Variants in JAKMIP3 observed in about 807,000 individuals in gnomAD.
JAKMIP3 encodes the protein janus kinase and microtubule-interacting protein 3.
In JAKMIP3, 58 loss-of-function variants were observed where a neutral mutation model predicts 118.5. That is an observed-to-expected ratio of 0.49 (90% CI 0.40 to 0.61). The LOEUF is 0.61. Ranked by LOEUF, JAKMIP3 falls within the 20% of genes least tolerant of loss-of-function variation. JAKMIP3 has a pLI of 0.00. For synonymous variants in JAKMIP3, 486 were observed against 451.2 expected, an observed-to-expected ratio of 1.08 and a Z score of -0.98; for missense variants, 950 against 1,109.0, an observed-to-expected ratio of 0.86 and a Z score of 2.04.
chr10:132,093,077 A>G (rs2043305032), intron 1 of JAKMIP3, among the ~76,000 whole-genome samples: 1 of 152,206 alleles, frequency 6.6e-6, no homozygotes, highest in South Asian at 2.1e-4. Flanking sequence ...GAGGCTGCAG[A>G]ACAGCTAATA....
intron 23 of JAKMIP3, among the ~76,000 whole-genome samples, chr10:132,180,658 C>CGCGT (rs1565020008): frequency 2.4e-3 from 20 of 8,420 alleles, no homozygotes; most frequent in African/African-American, 5.7e-3. Flanking sequence ...TGTGCGTGTG[C>CGCGT]GTGTGTGCGT....
chr10:132,106,481 C>G (rs1380422278), intron 2 of JAKMIP3, among the ~76,000 whole-genome samples: 6 of 152,218 alleles, frequency 3.9e-5, no homozygotes, highest in Non-Finnish European at 7.3e-5. Flanking sequence ...ATGAGTCCCT[C>G]CTCTGTAGAA....
At chr10:132,132,738 G>T (rs1057210712) in intron 3 of JAKMIP3, among the ~76,000 whole-genome samples, 2 of 152,204 alleles carry the variant, frequency 1.3e-5, no homozygotes, top group African/African-American at 4.8e-5. Flanking sequence ...ATGGAGGGGC[G>T]GTGTCCAAGG....
At chr10:132,115,155 A>G (rs1272620406) in intron 2 of JAKMIP3, among the ~76,000 whole-genome samples, 3 of 152,088 alleles carry the variant, frequency 2.0e-5, no homozygotes, top group African/African-American at 7.2e-5. Context: ...CACTGTTCAT[A>G]CTACACAGCT....
At chr10:132,097,140 C>T (rs1392974361) in intron 1 of JAKMIP3, among the ~76,000 whole-genome samples, 1 of 152,226 alleles carries the variant, frequency 6.6e-6, no homozygotes, top group Non-Finnish European at 1.5e-5. Flanking sequence ...GCAAAGGTGT[C>T]GGGAACCTGG....
chr10:132,146,999 G>T (rs2054747515), intron 13 of JAKMIP3, among the ~76,000 whole-genome samples: 1 of 152,214 alleles, frequency 6.6e-6, no homozygotes. Context: ...TACACTTGAA[G>T]ACATGCACAC....
chr10:132,148,111 C>A, intron 14 of JAKMIP3, 61 bp downstream of exon 14: 1 of 1,015,640 alleles, frequency 9.8e-7, no homozygotes, highest in Non-Finnish European at 1.5e-6. Flanking sequence ...AGTCCTCAGC[C>A]TTCCTAACCC....
intron 1 of JAKMIP3, among the ~76,000 whole-genome samples, chr10:132,100,694 C>T (rs2134733927): frequency 6.6e-6 from 1 of 152,294 alleles, no homozygotes; most frequent in East Asian, 1.9e-4. Context: ...TTTACCAAAG[C>T]TGTGATCATC....
At chr10:132,111,714 G>A (rs1212845720) in intron 2 of JAKMIP3, among the ~76,000 whole-genome samples, 1 of 152,192 alleles carries the variant, frequency 6.6e-6, no homozygotes, top group Admixed American at 6.5e-5. Context: ...GGCACAGCCA[G>A]CAGCCTCTGG....
In JAKMIP3 at chr10:132,115,811, A is replaced by G. The variant is rs557457440; in HGVS notation, c.136-1266A>G. ...GAAAGGACCTTTGTCCATTTCATTT[A>G]AGATTCTGTCAACCTTGGAGCAGCC... On this transcript the variant is annotated intron_variant, in intron 2 of 23. Coordinates refer to ENST00000684848, the MANE Select transcript of JAKMIP3 (RefSeq NM_001323087.2). Among the ~76,000 whole-genome samples, 3 of 152,404 alleles carry G rather than the reference A, an allele frequency of 2.0e-5. No individual in the cohort carries two copies. In the South Asian group the frequency reaches 6.2e-4, roughly 32 times the overall value.
intron 19 of JAKMIP3, among the ~76,000 whole-genome samples, chr10:132,159,656 G>T (rs117915976): frequency 1.5e-3 from 103 of 66,976 alleles, no homozygotes; most frequent in Non-Finnish European, 2.3e-3. Flanking sequence ...GCCTCTCCCT[G>T]TGTGATGCTG....
chr10:132,098,802 A>G (rs1408820123), intron 1 of JAKMIP3, among the ~76,000 whole-genome samples: 1 of 152,160 alleles, frequency 6.6e-6, no homozygotes, highest in African/African-American at 2.4e-5. Context: ...CTCCTCTCTC[A>G]GAGCTGGATT....
chr10:132,059,746 T>C (rs7085906), upstream of JAKMIP3, among the ~76,000 whole-genome samples: 84,500 of 152,188 alleles, frequency 0.56, 23,861 homozygotes, highest in East Asian at 0.72. Context: ...GGGAGGGGGC[T>C]GGTGCCAGGG....
intron 2 of JAKMIP3, among the ~76,000 whole-genome samples, chr10:132,108,037 G>C (rs1237826689): frequency 6.6e-6 from 1 of 152,214 alleles, no homozygotes; most frequent in Non-Finnish European, 1.5e-5. Flanking sequence ...GGCTTACACT[G>C]GTGGGAAGGT....
chr10:132,135,845 G>A (rs1477934457), intron 5 of JAKMIP3, 85 bp from the exon 6 acceptor site: 6 of 1,426,068 alleles, frequency 4.2e-6, no homozygotes, highest in Non-Finnish European at 4.7e-6. Context: ...TGCAGCCCAA[G>A]CTGTGGTCAG....
Position 132,136,055 on chromosome 10 carries a change from C to T in JAKMIP3, c.1095C>T (p.Val365=). The T allele has an allele frequency of 6.2e-7, 1 of 1,613,646 alleles. No individual in the cohort carries two copies. Among genetic ancestry groups the T allele is most frequent in the Non-Finnish European group, 8.5e-7 (1 of 1,179,862 alleles). The change falls in exon 6 of 24, where the codon GTC becomes GTT. Residue 365 remains valine (V), a synonymous_variant. Coordinates refer to ENST00000684848, the MANE Select transcript of JAKMIP3 (RefSeq NM_001323087.2). ...GAATGGAAAACAAGTTAAAATTTGT[C>T]ACCCAGGAGAACATAGAAATGGTGA... ...LRRMENKLKF[V]TQENIEMRQR...
intron 2 of JAKMIP3, among the ~76,000 whole-genome samples, chr10:132,109,089 CACACATAT>C (rs1564908388): frequency 9.0e-5 from 12 of 133,792 alleles, no homozygotes; most frequent in Non-Finnish European, 1.7e-4. Context: ...TATATATACA[CACACATAT>C]ATATATACAC....
intron 23 of JAKMIP3, among the ~76,000 whole-genome samples, chr10:132,173,525 C>A (rs976684210): frequency 6.6e-6 from 1 of 152,118 alleles, no homozygotes; most frequent in African/African-American, 2.4e-5. Context: ...GTTTTCCAAA[C>A]AACTCAGGTG....
At chr10:132,134,895 G>A (rs537755053) in intron 4 of JAKMIP3, 146 bp from the exon 5 acceptor site, 2 of 1,011,534 alleles carry the variant, frequency 2.0e-6, no homozygotes, top group Non-Finnish European at 2.8e-6. Context: ...CTTTCCCCGG[G>A]GGGCTCCGAA....
Sources: gnomAD v4.1 joint callset for allele counts (sites outside exome capture counted in the v4.1 genomes callset) on GRCh38, gnomAD v4.1.1 for gene constraint, MANE v1.5 for transcripts, NCBI Gene and HGNC (gene_info 2026-07-23, HGNC 2026-07-21) for gene names.